MTNAP1: variants seen among roughly 807,000 people sequenced by gnomAD.
The protein encoded by MTNAP1 is mitochondrial nucleoid-associated protein 1.
At chr17:73,248,280 C>T in the MTNAP1 span, 1 of 546,128 alleles carries the variant, frequency 1.8e-6, no homozygotes, top group South Asian at 2.3e-5. Flanking sequence ...AGACTGCTAC[C>T]CACAGAAGCC....
At chr17:73,242,998 G>A in the MTNAP1 span, 113 of 1,610,368 alleles carry the variant, frequency 7.0e-5, no homozygotes, top group Admixed American at 6.2e-4. Context: ...AGTTTCAGAC[G>A]TCTGAGTAAG....
chr17:73,234,373 A>C, the MTNAP1 span, among the ~76,000 whole-genome samples: 1 of 151,864 alleles, frequency 6.6e-6, no homozygotes, highest in Non-Finnish European at 1.5e-5. Flanking sequence ...TGTCAAACTA[A>C]TTTGCCAGTA....
At chr17:73,247,117 A>G in the MTNAP1 span, 1 of 794,486 alleles carries the variant, frequency 1.3e-6, no homozygotes, top group South Asian at 1.7e-5. Context: ...TACAAAAACA[A>G]GCCCTGCTCA....
At chr17:73,239,518 A>C in the MTNAP1 span, among the ~76,000 whole-genome samples, 1 of 40,168 alleles carries the variant, frequency 2.5e-5, no homozygotes, top group Non-Finnish European at 4.6e-5. Flanking sequence ...AGCTTCAGAC[A>C]TCTTTTTTTT....
the MTNAP1 span, chr17:73,242,302 T>TA: frequency 6.2e-7 from 1 of 1,606,506 alleles, no homozygotes; most frequent in Non-Finnish European, 8.5e-7. Flanking sequence ...CTGCCGGACT[T>TA]ACAACCTCCA....
At chr17:73,236,292 T>C in the MTNAP1 span, 3 of 1,613,950 alleles carry the variant, frequency 1.9e-6, no homozygotes, top group Admixed American at 1.7e-5. Flanking sequence ...TTACTGAGAC[T>C]CCAGAAAAGA....
At chr17:73,245,773 A>T in the MTNAP1 span, 4 of 908,212 alleles carry the variant, frequency 4.4e-6, no homozygotes, top group African/African-American at 7.2e-5. Flanking sequence ...GCTGATTTTT[A>T]AAATAGCACA....
chr17:73,243,077 A>ATTTTT, the MTNAP1 span: 12 of 438,544 alleles, frequency 2.7e-5, no homozygotes, highest in African/African-American at 8.2e-5. Context: ...GATTCTCTGA[A>ATTTTT]TTTTTTTTTT....
chr17:73,245,134 T>G, the MTNAP1 span: 1 of 1,611,236 alleles, frequency 6.2e-7, no homozygotes, highest in Non-Finnish European at 8.5e-7. Context: ...AAGTGGCCTC[T>G]CGGATCCTTA....
the MTNAP1 span, chr17:73,235,438 C>T: frequency 6.7e-7 from 1 of 1,501,008 alleles, no homozygotes; most frequent in Non-Finnish European, 9.1e-7. Flanking sequence ...TATGTACAAA[C>T]TATGTGCTTC....
the MTNAP1 span, chr17:73,243,130 G>C: frequency 1.2e-5 from 9 of 742,706 alleles, no homozygotes; most frequent in South Asian, 1.5e-5. Flanking sequence ...GCATGCCCTG[G>C]TGAATGAGCT....
At chr17:73,237,182 A>G in the MTNAP1 span, among the ~76,000 whole-genome samples, 3 of 152,222 alleles carry the variant, frequency 2.0e-5, no homozygotes, top group Admixed American at 6.5e-5. Flanking sequence ...CTGTAATCTA[A>G]GCACTTTGGG....
At chr17:73,240,839 A>G in the MTNAP1 span, among the ~76,000 whole-genome samples, 77,775 of 151,928 alleles carry the variant, frequency 0.51, 20,012 homozygotes, top group East Asian at 0.62. Context: ...TTGTCTCTTT[A>G]CACCGTTTTC....
the MTNAP1 span, among the ~76,000 whole-genome samples, chr17:73,244,882 G>T: frequency 6.6e-6 from 1 of 151,914 alleles, no homozygotes; most frequent in Non-Finnish European, 1.5e-5. Flanking sequence ...AGGAAAAGAA[G>T]TGCCTTTCTG....
the MTNAP1 span, chr17:73,236,248 G>A: frequency 3.1e-6 from 5 of 1,614,110 alleles, no homozygotes; most frequent in East Asian, 8.9e-5. Context: ...CAAAGGCAGG[G>A]ATCACCTCTC....
chr17:73,242,908 GCAA>G, the MTNAP1 span: 1 of 1,613,578 alleles, frequency 6.2e-7, no homozygotes, highest in Non-Finnish European at 8.5e-7. Context: ...TGGATCAGGT[GCAA>G]CACCACCATA....
At chr17:73,233,985 A>G in the MTNAP1 span, among the ~76,000 whole-genome samples, 19 of 152,308 alleles carry the variant, frequency 1.2e-4, no homozygotes, top group African/African-American at 4.6e-4. Context: ...TGGTTGCTTT[A>G]TTGAATGGAT....
At chr17:73,241,438 G>A in the MTNAP1 span, among the ~76,000 whole-genome samples, 1 of 152,244 alleles carries the variant, frequency 6.6e-6, no homozygotes, top group East Asian at 1.9e-4. Flanking sequence ...GATTACAGGC[G>A]TGAGCCACCG....
At chr17:73,235,929 A>C in the MTNAP1 span, 29 of 1,614,208 alleles carry the variant, frequency 1.8e-5, no homozygotes, top group Non-Finnish European at 2.5e-5. Context: ...CCTCTCCTAA[A>C]AGAGAACTTG....
Sources: gnomAD v4.1 joint callset for allele counts (sites outside exome capture counted in the v4.1 genomes callset) on GRCh38, gnomAD v4.1.1 for gene constraint, MANE v1.5 for transcripts, NCBI Gene and HGNC (gene_info 2026-07-23, HGNC 2026-07-21) for gene names.